The following MTSS1 variants were observed in gnomAD, a reference collection of about 807,000 sequenced individuals.
The protein encoded by MTSS1 is protein MTSS 1.
MTSS1 carries 18 observed loss-of-function variants against 79.0 expected under a neutral mutation model. That is an observed-to-expected ratio of 0.23 (90% CI 0.16 to 0.34). MTSS1 has a LOEUF of 0.34. MTSS1 is among the 10% of genes least tolerant of loss of function. MTSS1 has a pLI of 1.00. For synonymous variants in MTSS1, 341 were observed against 368.6 expected (o/e 0.93, Z 0.86); for missense variants, 815 against 986.2 (o/e 0.83, Z 2.33).
At chr8:124,580,023 A>G (rs1829728673) in intron 6 of MTSS1, 1 of 152,444 alleles carries the variant, frequency 6.6e-6, no homozygotes, top group African/African-American at 2.4e-5. Flanking sequence ...CTCTACTGAA[A>G]TAAGAAATAC....
intron 3 of MTSS1, among the ~76,000 whole-genome samples, chr8:124,689,481 C>T (rs1053680415): frequency 6.6e-6 from 1 of 151,910 alleles, no homozygotes; most frequent in East Asian, 1.9e-4. Flanking sequence ...CGTGGTGGCT[C>T]ACACCTGTAA....
intron 11 of MTSS1, among the ~76,000 whole-genome samples, chr8:124,556,955 C>T (rs182098955): frequency 6.6e-6 from 1 of 152,306 alleles, no homozygotes; most frequent in Non-Finnish European, 1.5e-5. Context: ...CTTGAGAGGC[C>T]CACACCGCCT....
At chr8:124,666,314 G>C (rs1265036341) in intron 3 of MTSS1, among the ~76,000 whole-genome samples, 2 of 152,222 alleles carry the variant, frequency 1.3e-5, no homozygotes, top group Non-Finnish European at 2.9e-5. Flanking sequence ...AGGAACACAA[G>C]GGCAAGGCAG....
intron 5 of MTSS1, among the ~76,000 whole-genome samples, chr8:124,588,528 C>T (rs528628052): frequency 1.3e-5 from 2 of 152,220 alleles, no homozygotes; most frequent in East Asian, 1.9e-4. Flanking sequence ...CTCATACCAT[C>T]AAGGTCCCTG....
At chr8:124,567,885 A>G in intron 7 of MTSS1, 2 of 1,436,532 alleles carry the variant, frequency 1.4e-6, no homozygotes, top group Non-Finnish European at 1.8e-6. Flanking sequence ...CGGCATGCAA[A>G]TGATTTCCTT....
At chr8:124,568,235 T>C in intron 7 of MTSS1, 144 bp downstream of exon 7, 1 of 941,798 alleles carries the variant, frequency 1.1e-6, no homozygotes, top group Non-Finnish European at 1.5e-6. Context: ...CAACTTGCAC[T>C]GAATCGCTGG....
At chr8:124,622,485 GAAAAAAAAAAA>G (rs74650146) in intron 3 of MTSS1, among the ~76,000 whole-genome samples, 3 of 99,502 alleles carry the variant, frequency 3.0e-5, no homozygotes, top group African/African-American at 9.9e-5. Context: ...TTGCCATATT[GAAAAAAAAAAA>G]AAAAAAAAAG....
At chr8:124,567,870 A>G in intron 7 of MTSS1, 3 of 1,457,640 alleles carry the variant, frequency 2.1e-6, no homozygotes, top group Middle Eastern at 1.8e-4. Context: ...GCAAGTTCTC[A>G]ATTACGGCAT....
intron 3 of MTSS1, among the ~76,000 whole-genome samples, chr8:124,690,139 T>A (rs1453821161): frequency 6.6e-6 from 1 of 152,182 alleles, no homozygotes; most frequent in South Asian, 2.1e-4. Context: ...AGCTTGGACC[T>A]TCCTCCCCAC....
intron 3 of MTSS1, among the ~76,000 whole-genome samples, chr8:124,618,645 A>G (rs16899868): frequency 0.021 from 3,274 of 152,286 alleles, 166 homozygotes; most frequent in East Asian, 0.14. Context: ...GGAGACACCA[A>G]GTATGAGGTT....
Position 124,553,441 on chromosome 8 carries a change from C to A in MTSS1, c.1819G>T (p.Gly607Cys). Residue 607 changes from glycine (G) to cysteine (C), a missense_variant, in exon 14 of 14, where the codon GGT becomes TGT. This residue lies in a region of MTSS1 where 590 missense variants were observed against 620.8 expected (regional missense o/e 0.95). Transcript: ENST00000518547. This position sits in a 1 kb window ranked among gnomAD's most constrained non-coding sequence, Gnocchi z 6.0. Reference protein sequence around the residue: ...PSVRRGTIGAGPIPIKTPVIP... With the variant: ...PSVRRGTIGACPIPIKTPVIP... ...ACGGGTGTCTTGATGGGGATGGGAC[C>A]AGCTCCAATGGTTCCCCGGCGGACA... 1 of 1,607,912 alleles carries A rather than the reference C, an allele frequency of 6.2e-7. No individual in the cohort carries two copies. Among genetic ancestry groups the A allele is most frequent in the Non-Finnish European group, 8.5e-7 (1 of 1,175,922 alleles).
chr8:124,660,140 C>G (rs1419524478), intron 3 of MTSS1, among the ~76,000 whole-genome samples: 1 of 152,114 alleles, frequency 6.6e-6, no homozygotes, highest in Admixed American at 6.5e-5. Context: ...GACTTCAAGA[C>G]AGTACACATG....
intron 3 of MTSS1, among the ~76,000 whole-genome samples, chr8:124,616,371 T>TAAA (rs68110053): frequency 1.7e-5 from 2 of 119,610 alleles, no homozygotes; most frequent in African/African-American, 3.0e-5. Context: ...TTTCAGGCAG[T>TAAA]AAAAAAAAAA....
chr8:124,650,894 G>C (rs1010945408), intron 3 of MTSS1, among the ~76,000 whole-genome samples: 4 of 152,346 alleles, frequency 2.6e-5, no homozygotes, highest in Middle Eastern at 3.4e-3. Flanking sequence ...CCTCCACCTA[G>C]TAGCTGTTGA....
At chr8:124,637,170 G>A (rs1817165947) in intron 3 of MTSS1, among the ~76,000 whole-genome samples, 1 of 152,192 alleles carries the variant, frequency 6.6e-6, no homozygotes, top group African/African-American at 2.4e-5. Context: ...AGATCCTGAA[G>A]CATCCGTGTT....
At chr8:124,564,236 A>T (rs1825903165) in intron 9 of MTSS1, among the ~76,000 whole-genome samples, 1 of 152,148 alleles carries the variant, frequency 6.6e-6, no homozygotes, top group African/African-American at 2.4e-5. Flanking sequence ...TGAAATAAAA[A>T]GAGCAGTTGT....
At chr8:124,643,038 A>C (rs934248542) in intron 3 of MTSS1, among the ~76,000 whole-genome samples, 1 of 152,180 alleles carries the variant, frequency 6.6e-6, no homozygotes, top group Non-Finnish European at 1.5e-5. Context: ...GGTAGCTGCT[A>C]TTCTTCTTTT....
rs548378539 is a variant in MTSS1, at chr8:124,589,724, G to C, written c.294-13C>G. The C allele has an allele frequency of 3.7e-5, 57 of 1,551,038 alleles. No individual in the cohort carries two copies. The African/African-American group carries it at 6.4e-4, about 17-fold the overall frequency. ...ATCAATTAAAGCGCTTTTACCAAGC[G>C]GGGGGGAAAAAGGGAGAAATTAAAT... On this transcript the variant is annotated splice_polypyrimidine_tract_variant and intron_variant, in intron 4 of 13. Transcript: ENST00000518547.
In MTSS1 at chr8:124,567,308, CA is replaced by C; in HGVS notation, c.619-131del. The C allele has an allele frequency of 9.1e-6, 7 of 772,846 alleles. No homozygotes were observed. In the South Asian group the frequency reaches 1.3e-4, roughly 14 times the overall value. The allele number at this position is 772,846 out of a possible 1,614,324, so 47.9% of individuals were successfully genotyped here. ...TCAGAAAAGGCACTGTTGGGACTGG[CA>C]AATCTTTGCTGAAGGCACTACATGC... On this transcript the variant is annotated intron_variant, in intron 7 of 13. Transcript: ENST00000518547.
Sources: allele counts gnomAD v4.1 joint callset (sites outside exome capture counted in the v4.1 genomes callset), GRCh38; gene constraint gnomAD v4.1.1; regional missense constraint gnomAD v4.1.1; non-coding constraint Gnocchi (gnomAD v3.1); transcripts MANE v1.5; gene names NCBI Gene and HGNC (gene_info 2026-07-23, HGNC 2026-07-21).